Variants in EPB41L4A observed in about 807,000 individuals in gnomAD.
EPB41L4A encodes the protein band 4.1-like protein 4A.
EPB41L4A carries 100 observed loss-of-function variants against 108.6 expected under a neutral mutation model. The ratio of observed to expected loss-of-function variants is 0.92; its 90% CI spans 0.78 to 1.09. EPB41L4A has a LOEUF of 1.09. Among genes scored for constraint, EPB41L4A ranks in the 50% least tolerant of loss-of-function variants. EPB41L4A has a pLI of 0.00. For missense variants in EPB41L4A, 1,030 were observed against 842.7 expected (o/e 1.22, Z -2.75); for synonymous variants, 319 against 289.0 (o/e 1.10, Z -1.05).
intron 1 of EPB41L4A, among the ~76,000 whole-genome samples, chr5:112,312,218 G>A (rs1167686167): frequency 6.6e-6 from 1 of 152,110 alleles, no homozygotes; most frequent in African/African-American, 2.4e-5. Context: ...AAAGTATACA[G>A]AAACTCTAAA....
At chr5:112,174,454 A>C (rs1677832068) in intron 18 of EPB41L4A, among the ~76,000 whole-genome samples, 1 of 152,230 alleles carries the variant, frequency 6.6e-6, no homozygotes, top group Non-Finnish European at 1.5e-5. Context: ...GAAAATAAAC[A>C]TGCAGCCCAG....
At chr5:112,267,125 A>G (rs1040073745) in intron 4 of EPB41L4A, among the ~76,000 whole-genome samples, 13 of 152,140 alleles carry the variant, frequency 8.5e-5, no homozygotes, top group African/African-American at 2.4e-5. Flanking sequence ...TTATTCAGCT[A>G]TTCTGCTAGT....
At chr5:112,336,917 C>T (rs1398257335) in intron 1 of EPB41L4A, among the ~76,000 whole-genome samples, 2 of 152,182 alleles carry the variant, frequency 1.3e-5, no homozygotes, top group Admixed American at 1.3e-4. Flanking sequence ...TTAGAGACTT[C>T]CCTTTTACAG....
chr5:112,238,112 T>C (rs998324817), intron 11 of EPB41L4A, among the ~76,000 whole-genome samples: 3 of 152,194 alleles, frequency 2.0e-5, no homozygotes, highest in South Asian at 2.1e-4. Context: ...ACAATTTTAA[T>C]AGTATGAACA....
intron 12 of EPB41L4A, among the ~76,000 whole-genome samples, chr5:112,210,354 G>T (rs1475879502): frequency 6.6e-6 from 1 of 152,042 alleles, no homozygotes; most frequent in Non-Finnish European, 1.5e-5. Flanking sequence ...TACTTGTGAA[G>T]AAGTTTCTCA....
chr5:112,239,686 T>A lies in EPB41L4A; in HGVS notation c.939A>T (p.Gly313=). ...TGTAGCGGTGCTTATAACGTATGGA[T>A]CCAAACTTGCTGAGTTTTCTTGACA... ...NSLSRKLSKF[G]SIRYKHRYSG... Residue 313 remains glycine (G), a synonymous_variant, in exon 11 of 23, where the codon GGA becomes GGT. Transcript: ENST00000261486. 6.2e-7 allele frequency: 1 copy of A among 1,609,126 alleles called. No homozygotes were observed. Among genetic ancestry groups the A allele is most frequent in the South Asian group, 1.1e-5 (1 of 90,164 alleles).
intron 5 of EPB41L4A, among the ~76,000 whole-genome samples, 175 bp from the exon 6 acceptor site, chr5:112,265,191 G>GC (rs760556414): frequency 6.6e-6 from 1 of 152,144 alleles, no homozygotes; most frequent in Non-Finnish European, 1.5e-5. Context: ...ACGGATGGTA[G>GC]CAACAAATTC....
chr5:112,257,995 G>A (rs1280424786), intron 9 of EPB41L4A, among the ~76,000 whole-genome samples: 2 of 152,162 alleles, frequency 1.3e-5, no homozygotes, highest in Non-Finnish European at 2.9e-5. Context: ...GAACACATTG[G>A]ATTTCCTCCA....
At chr5:112,149,333 G>T (rs541858782) in intron 12 of EPB41L4A, among the ~76,000 whole-genome samples, 1 of 152,106 alleles carries the variant, frequency 6.6e-6, no homozygotes, top group Admixed American at 6.5e-5. Flanking sequence ...TTAGCCAGGC[G>T]TGGTGGCACG....
intron 12 of EPB41L4A, among the ~76,000 whole-genome samples, chr5:112,232,691 G>A (rs1749042707): frequency 6.6e-6 from 1 of 152,090 alleles, no homozygotes; most frequent in Middle Eastern, 3.2e-3. Context: ...TTCACACAAT[G>A]TTCCAATGTT....
intron 12 of EPB41L4A, among the ~76,000 whole-genome samples, chr5:112,149,488 A>G (rs1222611147): frequency 6.6e-6 from 1 of 152,146 alleles, no homozygotes. Context: ...AAAAAGAGAG[A>G]CTTTGTGAGC....
At chr5:112,393,859 G>A (rs1271008539) in intron 1 of EPB41L4A, among the ~76,000 whole-genome samples, 1 of 152,096 alleles carries the variant, frequency 6.6e-6, no homozygotes, top group African/African-American at 2.4e-5. Flanking sequence ...CTGGCAAACT[G>A]AATCCAGCAG....
Position 112,266,062 on chromosome 5 carries a change from T to G in EPB41L4A, c.433+171A>C, listed in dbSNP as rs570434880. ...TAAGGGATTTGTACTAGGCTCCACT[T>G]TTACCTGTTCCGAAGGAACACTGAA... is the stretch of plus-strand genomic sequence containing the variant. On this transcript the variant is annotated intron_variant, in intron 5 of 22. Transcript: ENST00000261486. Among the ~76,000 whole-genome samples the G allele has an allele frequency of 8.5e-5, 13 of 152,294 alleles. No individual in the cohort carries two copies. The South Asian group carries it at 2.1e-3, about 24-fold the overall frequency.
At chr5:112,386,145 T>G (rs1249702719) in intron 1 of EPB41L4A, among the ~76,000 whole-genome samples, 1 of 152,242 alleles carries the variant, frequency 6.6e-6, no homozygotes, top group African/African-American at 2.4e-5. Flanking sequence ...CACAGCTGTT[T>G]GTACTGAGAC....
chr5:112,419,543 G>C (rs550149354), upstream of EPB41L4A: 1 of 428,022 alleles, frequency 2.3e-6, no homozygotes, highest in East Asian at 7.1e-5. Flanking sequence ...TCCCCCGCGG[G>C]CGCGCACTTC....
intron 15 of EPB41L4A, among the ~76,000 whole-genome samples, chr5:112,196,189 C>T (rs1181014858): frequency 1.3e-5 from 2 of 152,186 alleles, no homozygotes; most frequent in African/African-American, 4.8e-5. Flanking sequence ...TCCTCTTCCT[C>T]CTGTTTACCA....
intron 1 of EPB41L4A, among the ~76,000 whole-genome samples, chr5:112,416,294 G>A (rs1762716715): frequency 6.6e-6 from 1 of 151,996 alleles, no homozygotes; most frequent in Non-Finnish European, 1.5e-5. Context: ...ACCTTAACTT[G>A]CTATAATTAA....
chr5:112,181,293 T>C (rs1416224582), intron 18 of EPB41L4A, among the ~76,000 whole-genome samples: 1 of 150,626 alleles, frequency 6.6e-6, no homozygotes, highest in South Asian at 2.1e-4. Flanking sequence ...CTACTAAATA[T>C]ATAAAAAATT....
Position 112,168,765 on chromosome 5 carries a change from C to A in EPB41L4A, c.1906G>T (p.Gly636Cys), listed in dbSNP as rs756460326. 6.2e-7 allele frequency: 1 copy of A among 1,614,028 alleles called. No homozygotes were observed. Among genetic ancestry groups the A allele is most frequent in the East Asian group, 2.2e-5 (1 of 44,888 alleles). Residue 636 changes from glycine (G) to cysteine (C), a missense_variant, in exon 22 of 23, where the codon GGT becomes TGT. Coordinates refer to ENST00000261486, the MANE Select transcript of EPB41L4A (RefSeq NM_022140.5). ...LPVTRSSDAQ[G>C]SGDATVHQRR... ...TGATGAACTGTAGCATCCCCAGAAC[C>A]CTGAGCATCCGAAGAACGGGTCACC... is the stretch of plus-strand genomic sequence containing the variant.
Sources: gnomAD v4.1 joint callset for allele counts (sites outside exome capture counted in the v4.1 genomes callset) on GRCh38, gnomAD v4.1.1 for gene constraint, MANE v1.5 for transcripts, NCBI Gene and HGNC (gene_info 2026-07-23, HGNC 2026-07-21) for gene names.